The following SYN2 variants were observed in gnomAD, a reference collection of about 807,000 sequenced individuals.
SYN2 encodes synapsin II, also known as synapsin-2.
In SYN2, 19 loss-of-function variants were observed where a neutral mutation model predicts 50.9. That is an observed-to-expected ratio of 0.37 (90% CI 0.26 to 0.55). The LOEUF is 0.55. Ranked by LOEUF, SYN2 falls within the 20% of genes least tolerant of loss-of-function variation. The pLI, the probability that SYN2 is intolerant of heterozygous loss-of-function variation, is 0.81. For missense variants in SYN2, 587 were observed against 576.4 expected (o/e 1.02, Z -0.19); for synonymous variants, 255 against 224.9 (o/e 1.13, Z -1.20).
intron 11 of SYN2, chr3:12,184,689 G>A (rs908787335): frequency 1.0e-6 from 1 of 985,788 alleles, no homozygotes; most frequent in Non-Finnish European, 1.2e-6. Flanking sequence ...GGTGGCTCTT[G>A]AGGAATCCTC....
At chr3:12,142,571 G>GA (rs1435713674) in intron 3 of SYN2, among the ~76,000 whole-genome samples, 12 of 152,270 alleles carry the variant, frequency 7.9e-5, no homozygotes, top group African/African-American at 2.9e-4. Context: ...AAGAAAATTA[G>GA]CAATTATTGA....
intron 12 of SYN2, among the ~76,000 whole-genome samples, 194 bp from the exon 13 acceptor site, chr3:12,190,296 G>A (rs964937083): frequency 2.0e-5 from 3 of 151,940 alleles, no homozygotes; most frequent in African/African-American, 7.3e-5. Context: ...TATTCTAGTA[G>A]CACCAAAGTT....
intron 1 of SYN2, among the ~76,000 whole-genome samples, chr3:12,039,549 ATTTTTTTTTTTT>A (rs60746238): frequency 6.8e-5 from 8 of 118,010 alleles, no homozygotes; most frequent in African/African-American, 2.5e-4. Flanking sequence ...AGAAGCAAAG[ATTTTTTTTTTTT>A]TTTTTTTTTT....
chr3:12,010,964 G>A (rs1349645221), intron 1 of SYN2, among the ~76,000 whole-genome samples: 1 of 152,128 alleles, frequency 6.6e-6, no homozygotes, highest in Non-Finnish European at 1.5e-5. Flanking sequence ...AATCTATGTG[G>A]GAATCTAAAA....
intron 1 of SYN2, among the ~76,000 whole-genome samples, chr3:12,075,093 A>G (rs979491789): frequency 1.3e-5 from 2 of 152,112 alleles, no homozygotes; most frequent in Admixed American, 6.6e-5. Flanking sequence ...TCATTAATCT[A>G]TTCTCCTTAC....
intron 1 of SYN2, among the ~76,000 whole-genome samples, chr3:12,014,529 A>G (rs1693979694): frequency 6.6e-6 from 1 of 152,242 alleles, no homozygotes; most frequent in Non-Finnish European, 1.5e-5. Flanking sequence ...GGAAAGTATT[A>G]TCTAGTCCAT....
intron 1 of SYN2, among the ~76,000 whole-genome samples, chr3:12,100,082 T>G (rs1430893014): frequency 3.3e-5 from 5 of 151,718 alleles, no homozygotes; most frequent in Non-Finnish European, 7.4e-5. Flanking sequence ...TCAAAGTGGA[T>G]TTGATATGGA....
intron 1 of SYN2, among the ~76,000 whole-genome samples, chr3:12,088,284 G>T (rs893322483): frequency 3.9e-5 from 6 of 152,136 alleles, no homozygotes; most frequent in African/African-American, 1.4e-4. Flanking sequence ...GAATGCATAT[G>T]AATGGCCAAT....
intron 1 of SYN2, among the ~76,000 whole-genome samples, chr3:12,099,760 C>T (rs1162649670): frequency 2.0e-5 from 3 of 151,846 alleles, no homozygotes; most frequent in South Asian, 2.1e-4. Flanking sequence ...GTCAGGAGAT[C>T]GAGACCATCC....
intron 1 of SYN2, among the ~76,000 whole-genome samples, chr3:12,074,869 A>C (rs990478450): frequency 6.6e-5 from 10 of 152,122 alleles, no homozygotes; most frequent in African/African-American, 2.4e-4. Context: ...TTCTGATTCC[A>C]GTTTCTCAAG....
At chr3:12,046,811 C>G (rs542488909) in intron 1 of SYN2, among the ~76,000 whole-genome samples, 1 of 152,038 alleles carries the variant, frequency 6.6e-6, no homozygotes, top group African/African-American at 2.4e-5. Flanking sequence ...CAAAGTATGA[C>G]GACTAGGTTT....
In SYN2 at chr3:12,177,449, T is replaced by C. The variant is rs748064683; in HGVS notation, c.1309-5863T>C. Among the ~76,000 whole-genome samples the C allele has an allele frequency of 4.6e-5, 7 of 152,238 alleles. No homozygotes were observed. In the East Asian group the frequency reaches 7.7e-4, roughly 17 times the overall value. ...GTTCTAAAATATGAGGTCTCCTGAG[T>C]GCAAGAAGACCAAGCCTAAGAAGGG... On this transcript the variant is annotated intron_variant, in intron 10 of 12. Transcript: ENST00000621198.
chr3:12,064,669 A>G (rs1695173609), intron 1 of SYN2, among the ~76,000 whole-genome samples: 1 of 152,184 alleles, frequency 6.6e-6, no homozygotes. Context: ...TCACAAAGCC[A>G]CAATGAGATA....
intron 1 of SYN2, among the ~76,000 whole-genome samples, chr3:12,081,340 A>G (rs1386147533): frequency 6.6e-6 from 1 of 152,202 alleles, no homozygotes; most frequent in Non-Finnish European, 1.5e-5. Flanking sequence ...GGAATGAGCT[A>G]TTGTTCCAGA....
chr3:12,040,149 G>A (rs2125148369), intron 1 of SYN2, among the ~76,000 whole-genome samples: 1 of 152,282 alleles, frequency 6.6e-6, no homozygotes, highest in African/African-American at 2.4e-5. Flanking sequence ...GCACTTGTTG[G>A]ATTTTCATTA....
intron 5 of SYN2, chr3:12,157,257 C>A: frequency 1.2e-6 from 1 of 827,726 alleles, no homozygotes; most frequent in Non-Finnish European, 1.9e-6. Context: ...TCATCCAGTT[C>A]CACTTCAGTA....
At position 12,145,845 on chromosome 3, in the gene SYN2, G is replaced by T. The variant is rs182915023; in HGVS notation, c.684+10G>T. ...TGACAAGCCATGGGTGGTGAGTGAGGCCCCCTTCCCCCAAGTAAAAGGGTA... is the reference window on the plus strand; with the variant it reads ...TGACAAGCCATGGGTGGTGAGTGAGTCCCCCTTCCCCCAAGTAAAAGGGTA... On this transcript the variant is annotated intron_variant, in intron 4 of 12. Transcript: ENST00000621198. 1.9e-6 allele frequency: 3 copies of T among 1,613,450 alleles called. No homozygotes were observed. Among genetic ancestry groups the T allele is most frequent in the East Asian group, 4.5e-5 (2 of 44,878 alleles).
intron 1 of SYN2, among the ~76,000 whole-genome samples, chr3:12,042,581 A>AATTT (rs1342261925): frequency 6.6e-6 from 1 of 152,184 alleles, no homozygotes; most frequent in Non-Finnish European, 1.5e-5. Context: ...AGTGGATCTA[A>AATTT]AGAAGGAGGG....
chr3:12,099,848 C>T (rs1696028126), intron 1 of SYN2, among the ~76,000 whole-genome samples: 1 of 151,102 alleles, frequency 6.6e-6, no homozygotes, highest in Non-Finnish European at 1.5e-5. Flanking sequence ...GCCTGTAGTC[C>T]CAGCTACTTG....
Sources: gnomAD v4.1 joint callset for allele counts (sites outside exome capture counted in the v4.1 genomes callset) on GRCh38, gnomAD v4.1.1 for gene constraint, MANE v1.5 for transcripts, NCBI Gene and HGNC (gene_info 2026-07-23, HGNC 2026-07-21) for gene names.